Variants in CNFN observed in about 807,000 individuals in gnomAD.
The protein encoded by CNFN is cornefied envelope protein cornefilin.
CNFN carries 10 observed loss-of-function variants against 14.9 expected under a neutral mutation model. The observed-to-expected ratio is 0.67, with a 90% confidence interval of 0.41 to 1.14. The LOEUF (loss-of-function observed/expected upper bound fraction) is 1.14. CNFN is among the 50% of genes most tolerant of loss of function. The pLI, the probability that CNFN is intolerant of heterozygous loss-of-function variation, is 0.00. For synonymous variants in CNFN, 66 were observed against 60.0 expected (o/e 1.10, Z -0.46); for missense variants, 165 against 152.8 (o/e 1.08, Z -0.42).
intron 3 of CNFN, 43 bp from the exon 4 acceptor site, chr19:42,387,285 C>G (rs536326488): frequency 6.2e-7 from 1 of 1,606,286 alleles, no homozygotes; most frequent in Non-Finnish European, 8.5e-7. Flanking sequence ...GCGGTGGGTC[C>G]CAGGAGGCCA....
chr19:42,389,489 C>G, intron 1 of CNFN: 1 of 1,290,878 alleles, frequency 7.7e-7, no homozygotes, highest in Non-Finnish European at 1.0e-6. Flanking sequence ...GCGGTCCCAC[C>G]TTTGCCTTTC....
At chr19:42,389,141 C>T (rs978256424) in intron 1 of CNFN, 102 bp from the exon 2 acceptor site, 23 of 825,478 alleles carry the variant, frequency 2.8e-5, no homozygotes, top group Non-Finnish European at 3.4e-5. Flanking sequence ...TGGGCGGGGC[C>T]GCCAGGCCGC....
At chr19:42,389,890 A>C (rs1221065219) in intron 1 of CNFN, among the ~76,000 whole-genome samples, 1 of 152,204 alleles carries the variant, frequency 6.6e-6, no homozygotes, top group Non-Finnish European at 1.5e-5. Flanking sequence ...GCCCGTAGAG[A>C]TGTCACCAGT....
chr19:42,387,032 T>G lies in CNFN; in HGVS notation c.*121A>C. ...ATGTAGGCGGAGTTGGTTTTCAGGTTTTTATTGTGGGTGTATTTCTGGCAG... is the reference window on the plus strand; with the variant it reads ...ATGTAGGCGGAGTTGGTTTTCAGGTGTTTATTGTGGGTGTATTTCTGGCAG... On this transcript the variant is annotated 3_prime_UTR_variant, in exon 4 of 4. Transcript: ENST00000222032. The G allele has an allele frequency of 1.0e-6, 1 of 982,456 alleles. No individual in the cohort carries two copies. The highest frequency in any genetic ancestry group is 1.6e-6 in the Non-Finnish European group (1 of 635,026). 60.9% of individuals were successfully genotyped at this position (982,456 alleles called of 1,614,324 possible).
At chr19:42,388,425 C>T (rs1234364204) in intron 2 of CNFN, among the ~76,000 whole-genome samples, 2 of 152,080 alleles carry the variant, frequency 1.3e-5, no homozygotes, top group Non-Finnish European at 2.9e-5. Flanking sequence ...GAACTCCTGA[C>T]CTTGTGGTCC....
Position 42,387,229 on chromosome 19 carries a change from T to A in CNFN, c.263A>T (p.His88Leu). 6.2e-7 allele frequency: 1 copy of A among 1,614,034 alleles called. No individual in the cohort carries two copies. The highest frequency in any genetic ancestry group is 2.2e-5 in the East Asian group (1 of 44,872). Residue 88 changes from histidine (H) to leucine (L), a missense_variant, in exon 4 of 4, where the codon CAC (histidine) becomes CTC (leucine). Transcript: ENST00000222032. The stretch of plus-strand genomic sequence containing the variant: ...ACAAAAGGTGAGGGCCGCCCAGTCG[T>A]GCCCGACGGAGCCCTAGAGGGTAGG... ...ERYHIQGSVG[H>L]DWAALTFCLP... is the part of the protein sequence containing the mutation.
chr19:42,387,674 CT>C lies in CNFN; in HGVS notation c.113-199del, dbSNP rs1303771648. Among the ~76,000 whole-genome samples the C allele has an allele frequency of 4.0e-3, 511 of 127,838 alleles. 1 individual carries two copies. Among genetic ancestry groups the C allele is most frequent in the African/African-American group, 0.011 (383 of 35,684 alleles). 83.9% of individuals were successfully genotyped at this position (127,838 alleles called of 152,430 possible). A position where few individuals can be genotyped will look rare whatever the true frequency, so the allele number is the denominator to read the frequency against. The stretch of plus-strand genomic sequence containing the variant: ...GGGTTTTTCTTTTTTTTTTTTTCTT[CT>C]TTTTTTTTTTTTTTAGAAATTGGAG... On this transcript the variant is annotated intron_variant, in intron 2 of 3. Coordinates refer to ENST00000222032, the MANE Select transcript of CNFN (RefSeq NM_032488.4).
chr19:42,389,072 A>G, intron 1 of CNFN, 33 bp from the exon 2 acceptor site: 2 of 1,505,232 alleles, frequency 1.3e-6, no homozygotes, highest in Non-Finnish European at 1.8e-6. Flanking sequence ...GTCAGCTGGC[A>G]GCCTCGCAGC....
chr19:42,389,378 G>T lies in CNFN; in HGVS notation c.-2-339C>A, dbSNP rs181777373. 6.8e-4 allele frequency: 637 copies of T among 942,916 alleles called. 4 individuals carry two copies. In the African/African-American group the frequency reaches 9.7e-3, roughly 14 times the overall value. The allele number at this position is 942,916 out of a possible 1,614,324, so 58.4% of individuals were successfully genotyped here. ...GGTTCTGGGTTGCAGCATTTCTGGG[G>T]CCTCTGGGGTGGAAGCAGGCGCCGT... On this transcript the variant is annotated intron_variant, in intron 1 of 3. Coordinates refer to ENST00000222032, the MANE Select transcript of CNFN (RefSeq NM_032488.4).
At position 42,389,053 on chromosome 19, in the gene CNFN, A is replaced by G; in HGVS notation, c.-2-14T>C. 1 of 1,587,926 alleles carries G rather than the reference A, an allele frequency of 6.3e-7. No individual in the cohort carries two copies. Among genetic ancestry groups the G allele is most frequent in the Non-Finnish European group, 8.6e-7 (1 of 1,157,944 alleles). On this transcript the variant is annotated splice_polypyrimidine_tract_variant and intron_variant, in intron 1 of 3. Coordinates refer to ENST00000222032, the MANE Select transcript of CNFN (RefSeq NM_032488.4). ...GGTAGGACATAGCTGCAGAGGTGGG[A>G]GGGTAGGGGTCAGCTGGCAGCCTCG...
chr19:42,388,872 T>TC, intron 2 of CNFN, 54 bp downstream of exon 2: 1 of 1,347,514 alleles, frequency 7.4e-7, no homozygotes. Flanking sequence ...CTCTCCTGAT[T>TC]CCCCCCAAAC....
chr19:42,389,623 G>T, intron 1 of CNFN: 4 of 1,008,388 alleles, frequency 4.0e-6, no homozygotes, highest in Non-Finnish European at 5.4e-6. Flanking sequence ...GGGGAGGTGG[G>T]GGCAAGGGAC....
chr19:42,387,027 C>A lies in CNFN; in HGVS notation c.*126G>T, dbSNP rs1280073479. The A allele has an allele frequency of 4.3e-6, 4 of 937,504 alleles. No homozygotes were observed. Among genetic ancestry groups the A allele is most frequent in the Admixed American group, 2.2e-5 (1 of 45,436 alleles). 58.1% of individuals were successfully genotyped at this position (937,504 alleles called of 1,614,324 possible). ...AATGGATGTAGGCGGAGTTGGTTTT[C>A]AGGTTTTTATTGTGGGTGTATTTCT... is the stretch of plus-strand genomic sequence containing the variant. On this transcript the variant is annotated 3_prime_UTR_variant, in exon 4 of 4. Coordinates refer to ENST00000222032, the MANE Select transcript of CNFN (RefSeq NM_032488.4).
Position 42,389,016 on chromosome 19 carries a change from G to C in CNFN, c.22C>G (p.Gln8Glu). MSYPVTS[Q>E]PQCATTSCYQ... Reference sequence around the variant, plus strand: ...CAGCTGGTGGTGGCGCACTGGGGCTGACTGGTCACAGGGTAGGACATAGCT... The same window carrying C: ...CAGCTGGTGGTGGCGCACTGGGGCTCACTGGTCACAGGGTAGGACATAGCT... Residue 8 changes from glutamine (Q) to glutamate (E), a missense_variant, in exon 2 of 4, where the codon CAG becomes GAG. Gln to Glu is a conservative substitution (Grantham distance 29, BLOSUM62 2). Coordinates refer to ENST00000222032, the MANE Select transcript of CNFN (RefSeq NM_032488.4). The C allele has an allele frequency of 6.2e-7, 1 of 1,613,712 alleles. No individual in the cohort carries two copies. Among genetic ancestry groups the C allele is most frequent in the Non-Finnish European group, 8.5e-7 (1 of 1,179,908 alleles).
Position 42,387,422 on chromosome 19 carries a change from A to G in CNFN, c.167T>C (p.Phe56Ser). 1 of 1,601,882 alleles carries G rather than the reference A, an allele frequency of 6.2e-7. No individual in the cohort carries two copies. Among genetic ancestry groups the G allele is most frequent in the South Asian group, 1.1e-5 (1 of 89,406 alleles). Residue 56 changes from phenylalanine to serine, a missense_variant, in exon 3 of 4, where the codon TTT becomes TCT. Phe to Ser is a radical substitution (Grantham distance 155). Transcript: ENST00000222032. ...GTAGGGCGCGCAGCAGCACTCGCCA[A>G]AGTCGTCGGAGATGCGGCAGGCAAG... is the stretch of plus-strand genomic sequence containing the variant. Reference protein sequence around the residue: ...LCLACRISDDFGECCCAPYLP... With the variant: ...LCLACRISDDSGECCCAPYLP...
At chr19:42,388,506 T>C (rs2039873285) in intron 2 of CNFN, among the ~76,000 whole-genome samples, 1 of 152,172 alleles carries the variant, frequency 6.6e-6, no homozygotes, top group Non-Finnish European at 1.5e-5. Context: ...TTTTTATTTT[T>C]ATTTTTGTAG....
In CNFN at chr19:42,387,113, C is replaced by T; in HGVS notation, c.*40G>A. 6.2e-7 allele frequency: 1 copy of T among 1,603,774 alleles called. No homozygotes were observed. The highest frequency in any genetic ancestry group is 8.5e-7 in the Non-Finnish European group (1 of 1,170,884). On this transcript the variant is annotated 3_prime_UTR_variant, in exon 4 of 4. Coordinates refer to ENST00000222032, the MANE Select transcript of CNFN (RefSeq NM_032488.4). Reference sequence around the variant, plus strand: ...AGGAGTGGCCAGAGAAGGCCAGAGGCGAGACTGGTGGAAAAGGACGGGGAA... The same window carrying T: ...AGGAGTGGCCAGAGAAGGCCAGAGGTGAGACTGGTGGAAAAGGACGGGGAA...
Position 42,387,216 on chromosome 19 carries a change from G to A in CNFN, c.276C>T (p.Ala92=). ...IQGSVGHDWA[A]LTFCLPCALC... ...GGGCGCAGGGCAGACAAAAGGTGAG[G>A]GCCGCCCAGTCGTGCCCGACGGAGC... The change falls in exon 4 of 4, where the codon GCC becomes GCT. Residue 92 remains alanine, a synonymous_variant. Coordinates refer to ENST00000222032, the MANE Select transcript of CNFN (RefSeq NM_032488.4). The A allele has an allele frequency of 6.2e-7, 1 of 1,614,158 alleles. No homozygotes were observed. The highest frequency in any genetic ancestry group is 1.1e-5 in the South Asian group (1 of 91,084).
chr19:42,387,121 G>C lies in CNFN; in HGVS notation c.*32C>G, dbSNP rs1197437599. On this transcript the variant is annotated 3_prime_UTR_variant, in exon 4 of 4. Coordinates refer to ENST00000222032, the MANE Select transcript of CNFN (RefSeq NM_032488.4). Reference sequence around the variant, plus strand: ...CCAGAGAAGGCCAGAGGCGAGACTGGTGGAAAAGGACGGGGAAGACAGGGA... The same window carrying C: ...CCAGAGAAGGCCAGAGGCGAGACTGCTGGAAAAGGACGGGGAAGACAGGGA... 1.9e-6 allele frequency: 3 copies of C among 1,610,228 alleles called. No homozygotes were observed. Among genetic ancestry groups the C allele is most frequent in the Non-Finnish European group, 2.5e-6 (3 of 1,176,600 alleles).
Sources: gnomAD v4.1 joint callset for allele counts (sites outside exome capture counted in the v4.1 genomes callset) on GRCh38, gnomAD v4.1.1 for gene constraint, MANE v1.5 for transcripts, NCBI Gene and HGNC (gene_info 2026-07-23, HGNC 2026-07-21) for gene names.